The following WWOX variants were observed in gnomAD, a reference collection of about 807,000 sequenced individuals.
WWOX encodes the protein WW domain-containing oxidoreductase.
WWOX carries 69 observed loss-of-function variants against 46.2 expected under a neutral mutation model. The ratio of observed to expected loss-of-function variants is 1.49; its 90% CI spans 1.23 to 1.82. WWOX has a LOEUF of 1.82. Ranked by LOEUF, WWOX falls within the 40% of genes most tolerant of loss-of-function variation. WWOX has a pLI of 0.00. For synonymous variants in WWOX, 359 were observed against 202.6 expected (o/e 1.77, Z -6.56); for missense variants, 919 against 542.6 (o/e 1.69, Z -6.89).
At chr16:78,444,936 G>A (rs1413885193) in intron 8 of WWOX, among the ~76,000 whole-genome samples, 1 of 152,102 alleles carries the variant, frequency 6.6e-6, no homozygotes, top group Non-Finnish European at 1.5e-5. Flanking sequence ...GGTTGTACTT[G>A]GAATGACTGG....
intron 8 of WWOX, among the ~76,000 whole-genome samples, chr16:78,472,184 A>T (rs959979094): frequency 3.9e-5 from 6 of 152,154 alleles, no homozygotes; most frequent in African/African-American, 9.7e-5. Flanking sequence ...TTAAAACCCC[A>T]ACCACCTAGA....
chr16:78,214,399 A>G (rs1244819605), intron 5 of WWOX, among the ~76,000 whole-genome samples: 1 of 152,120 alleles, frequency 6.6e-6, no homozygotes. Context: ...ATGATAAACC[A>G]CCAAGCAACA....
At chr16:78,108,269 AC>A (rs1159894895) in intron 1 of WWOX, among the ~76,000 whole-genome samples, 153 bp from the exon 2 acceptor site, 2 of 150,316 alleles carry the variant, frequency 1.3e-5, no homozygotes, top group Non-Finnish European at 3.0e-5. Context: ...CCTAAAGTTG[AC>A]CCCGTAGCTG....
At chr16:78,420,209 A>G (rs1359767084) in intron 6 of WWOX, among the ~76,000 whole-genome samples, 1 of 152,186 alleles carries the variant, frequency 6.6e-6, no homozygotes, top group Non-Finnish European at 1.5e-5. Context: ...CAGTTTGGCC[A>G]TTATTCAAAA....
chr16:78,841,223 T>C (rs1054673638), intron 8 of WWOX, among the ~76,000 whole-genome samples: 1 of 152,248 alleles, frequency 6.6e-6, no homozygotes, highest in Non-Finnish European at 1.5e-5. Flanking sequence ...TGTGGTGTTT[T>C]GTTCCAGTCT....
chr16:78,533,555 A>T (rs138737565), intron 8 of WWOX, among the ~76,000 whole-genome samples: 2 of 152,302 alleles, frequency 1.3e-5, no homozygotes, highest in African/African-American at 4.8e-5. Flanking sequence ...GTTCTTCAAG[A>T]GGGGCTTGAG....
At chr16:78,843,760 T>C (rs950119721) in intron 8 of WWOX, among the ~76,000 whole-genome samples, 1 of 152,186 alleles carries the variant, frequency 6.6e-6, no homozygotes, top group African/African-American at 2.4e-5. Context: ...GCATCAAATA[T>C]TTAGCCAGAG....
chr16:78,228,000 C>A (rs537028992), intron 5 of WWOX, among the ~76,000 whole-genome samples: 11 of 152,116 alleles, frequency 7.2e-5, no homozygotes, highest in Non-Finnish European at 1.3e-4. Context: ...GGCACCACAC[C>A]AACATGGTCT....
At chr16:78,569,553 C>T (rs11645103) in intron 8 of WWOX, among the ~76,000 whole-genome samples, 22,847 of 152,018 alleles carry the variant, frequency 0.15, 2,306 homozygotes, top group African/African-American at 0.3. Context: ...AAGCAATTTG[C>T]ATGAAATTTA....
At chr16:79,009,989 C>T (rs571195370) in intron 8 of WWOX, among the ~76,000 whole-genome samples, 4 of 152,236 alleles carry the variant, frequency 2.6e-5, no homozygotes, top group African/African-American at 9.6e-5. Flanking sequence ...CCTCAGTATC[C>T]TAGGACTTCA....
intron 8 of WWOX, chr16:79,205,446 T>C (rs1410565002): frequency 1.3e-5 from 2 of 152,184 alleles, no homozygotes; most frequent in East Asian, 1.9e-4. Flanking sequence ...TCTAAACACA[T>C]TGTCCACGTC....
intron 8 of WWOX, among the ~76,000 whole-genome samples, chr16:78,909,613 C>G (rs897269045): frequency 1.3e-5 from 2 of 152,178 alleles, no homozygotes. Context: ...AAATGATGCT[C>G]CTCTTAGATG....
chr16:79,074,477 C>G (rs1006493353), intron 8 of WWOX, among the ~76,000 whole-genome samples: 1 of 124,486 alleles, frequency 8.0e-6, no homozygotes, highest in Non-Finnish European at 1.6e-5. Flanking sequence ...GGCTGGCTGA[C>G]CCATCAATGG....
At position 78,530,964 on chromosome 16, in the gene WWOX, C is replaced by T. The variant is rs188473593; in HGVS notation, c.1056+98212C>T. Among the ~76,000 whole-genome samples, 15 of 152,316 alleles carry T rather than the reference C, an allele frequency of 9.8e-5. No individual in the cohort carries two copies. The East Asian group carries it at 2.9e-3, about 29-fold the overall frequency. Reference sequence around the variant, plus strand: ...GTTGAGGGATGAAAAAAGTTAGGCTCTGAGAATTGATATTACTCTGCAAAT... The same window carrying T: ...GTTGAGGGATGAAAAAAGTTAGGCTTTGAGAATTGATATTACTCTGCAAAT... On this transcript the variant is annotated intron_variant, in intron 8 of 8. Coordinates refer to ENST00000566780, the MANE Select transcript of WWOX (RefSeq NM_016373.4).
intron 5 of WWOX, among the ~76,000 whole-genome samples, chr16:78,311,773 T>G (rs1328455110): frequency 1.7e-5 from 2 of 119,076 alleles, no homozygotes; most frequent in African/African-American, 3.5e-5. Context: ...AATAATTATT[T>G]TTAAAAAGCA....
chr16:78,940,853 A>G lies in WWOX; in HGVS notation c.1057-270755A>G, dbSNP rs146811600. ...TGATCCCGGTGTAATGTACAGCTTC[A>G]TTCTAATAAGTTGTATCGATCATGT... On this transcript the variant is annotated intron_variant, in intron 8 of 8. Coordinates refer to ENST00000566780, the MANE Select transcript of WWOX (RefSeq NM_016373.4). Among the ~76,000 whole-genome samples, 914 of 151,982 alleles carry G rather than the reference A, an allele frequency of 6.0e-3. 8 individuals are homozygous for G. Among genetic ancestry groups the G allele is most frequent in the African/African-American group, 0.021 (863 of 41,428 alleles).
chr16:78,664,007 T>C (rs2047274705), intron 8 of WWOX, among the ~76,000 whole-genome samples: 1 of 152,160 alleles, frequency 6.6e-6, no homozygotes, highest in Non-Finnish European at 1.5e-5. Flanking sequence ...TGATCACTAT[T>C]GGGAGGTGGT....
intron 8 of WWOX, among the ~76,000 whole-genome samples, chr16:78,802,811 G>A (rs953823317): frequency 1.3e-5 from 2 of 150,812 alleles, no homozygotes; most frequent in African/African-American, 2.4e-5. Context: ...AGCTACATGG[G>A]AGGCTGAAGC....
At chr16:78,780,914 A>C (rs1208339919) in intron 8 of WWOX, among the ~76,000 whole-genome samples, 1 of 152,174 alleles carries the variant, frequency 6.6e-6, no homozygotes, top group East Asian at 1.9e-4. Flanking sequence ...CTTGGGGAGC[A>C]TGGGTTCAGA....
Sources: gnomAD v4.1 joint callset for allele counts (sites outside exome capture counted in the v4.1 genomes callset) on GRCh38, gnomAD v4.1.1 for gene constraint, MANE v1.5 for transcripts, NCBI Gene and HGNC (gene_info 2026-07-23, HGNC 2026-07-21) for gene names.